B4GALNT2: variants seen among roughly 807,000 people sequenced by gnomAD.
B4GALNT2 encodes the protein beta-1,4-N-acetyl-galactosaminyltransferase 2 (SID blood group).
In B4GALNT2, 42 loss-of-function variants were observed where a neutral mutation model predicts 51.1. The observed-to-expected ratio is 0.82, with a 90% confidence interval of 0.64 to 1.06. The LOEUF (loss-of-function observed/expected upper bound fraction) is 1.06, where lower values mean the gene tolerates loss of function less well. B4GALNT2 is among the 50% of genes least tolerant of loss of function. The probability of loss-of-function intolerance (pLI) is 0.00; values close to 1 mark genes in which losing one functional copy is unlikely to be tolerated. For synonymous variants in B4GALNT2, 253 were observed against 251.7 expected (o/e 1.01, Z -0.05); for missense variants, 602 against 633.6 (o/e 0.95, Z 0.54).
intron 9 of B4GALNT2, among the ~76,000 whole-genome samples, chr17:49,168,468 G>A (rs773284510): frequency 1.2e-4 from 18 of 152,182 alleles, no homozygotes; most frequent in Non-Finnish European, 2.2e-4. Flanking sequence ...TCTGGGGTAG[G>A]CAGGAAATGA....
chr17:49,146,548 T>C (rs570879135), intron 3 of B4GALNT2, among the ~76,000 whole-genome samples: 2 of 152,326 alleles, frequency 1.3e-5, no homozygotes, highest in African/African-American at 4.8e-5. Flanking sequence ...TAGCCTCAAG[T>C]GATCCACCCA....
rs2042975418 is a variant in B4GALNT2, at chr17:49,174,392, A to C, written c.*4664A>C. On this transcript the variant is annotated 3_prime_UTR_variant, in exon 11 of 11. Transcript: ENST00000393354. Reference sequence around the variant, plus strand: ...ATGCTTAGCAGGCTGCAGGTTGTTTACTGCAGGAATTGTAAATGCAAACCA... The same window carrying C: ...ATGCTTAGCAGGCTGCAGGTTGTTTCCTGCAGGAATTGTAAATGCAAACCA... The C allele has an allele frequency of 6.6e-6, 1 of 152,218 alleles. No individual in the cohort carries two copies. The highest frequency in any genetic ancestry group is 1.5e-5 in the Non-Finnish European group (1 of 68,036). The allele number at this position is 152,218 out of a possible 1,614,324, so 9.4% of individuals were successfully genotyped here.
At chr17:49,121,966 C>A in the B4GALNT2 span, among the ~76,000 whole-genome samples, 1 of 152,220 alleles carries the variant, frequency 6.6e-6, no homozygotes, top group Non-Finnish European at 1.5e-5. Flanking sequence ...TGGCCAATTT[C>A]TGTCAGGAGT....
the B4GALNT2 span, among the ~76,000 whole-genome samples, chr17:49,122,781 ATAAT>A: frequency 2.6e-5 from 4 of 152,228 alleles, no homozygotes; most frequent in African/African-American, 9.7e-5. Flanking sequence ...TATGAGGATA[ATAAT>A]TAAGCAAAAT....
At chr17:49,140,726 T>TG (rs2042635770) in intron 1 of B4GALNT2, among the ~76,000 whole-genome samples, 1 of 134 alleles carries the variant, frequency 7.5e-3, no homozygotes, top group African/African-American at 0.036. Flanking sequence ...ATTACTAACC[T>TG]TTTTTTTTTT....
chr17:49,154,983 C>A (rs1206913554), intron 4 of B4GALNT2, among the ~76,000 whole-genome samples: 1 of 152,070 alleles, frequency 6.6e-6, no homozygotes, highest in Non-Finnish European at 1.5e-5. Context: ...AACTGTTTTT[C>A]ATTTTGGATG....
In B4GALNT2 at chr17:49,166,173, G is replaced by T. The variant is rs766965101; in HGVS notation, c.1014G>T (p.Trp338Cys). Residue 338 changes from tryptophan to cysteine, a missense_variant, in exon 9 of 11, where the codon TGG (tryptophan) becomes TGT (cysteine). By Grantham distance (215) the Trp-to-Cys change is radical. Transcript: ENST00000393354. ...ISQVTTKYVL[W>C]VDDDFLFNEE... ...AGGTCACCACCAAATACGTTCTCTG[G>T]GTGGACGATGATTTTCTCTTCAACG... is the stretch of plus-strand genomic sequence containing the variant. 1.2e-6 allele frequency: 2 copies of T among 1,614,104 alleles called. No homozygotes were observed. Among genetic ancestry groups the T allele is most frequent in the South Asian group, 2.2e-5 (2 of 91,082 alleles).
At chr17:49,133,030 G>A (rs375918507) in intron 1 of B4GALNT2, 7 of 1,490,592 alleles carry the variant, frequency 4.7e-6, no homozygotes, top group East Asian at 5.4e-5. Context: ...CCAGGAATGG[G>A]GAGCGCTGGC....
At chr17:49,142,366 G>C (rs2042653187) in intron 3 of B4GALNT2, among the ~76,000 whole-genome samples, 194 bp downstream of exon 3, 1 of 152,110 alleles carries the variant, frequency 6.6e-6, no homozygotes, top group Non-Finnish European at 1.5e-5. Context: ...ACAAAACTTT[G>C]TATGTACAAA....
At chr17:49,161,419 A>G (rs1201257835) in intron 7 of B4GALNT2, among the ~76,000 whole-genome samples, 1 of 152,130 alleles carries the variant, frequency 6.6e-6, no homozygotes, top group Non-Finnish European at 1.5e-5. Flanking sequence ...GATGGCCTGC[A>G]CCTGTAATCC....
chr17:49,150,524 G>C (rs1279478905), intron 3 of B4GALNT2, among the ~76,000 whole-genome samples: 10 of 152,076 alleles, frequency 6.6e-5, no homozygotes, highest in Admixed American at 4.6e-4. Context: ...GATGGTTGCC[G>C]TGTCTGTGTA....
chr17:49,153,516 T>A (rs915094039), intron 4 of B4GALNT2, among the ~76,000 whole-genome samples: 5 of 151,930 alleles, frequency 3.3e-5, no homozygotes, highest in African/African-American at 1.2e-4. Flanking sequence ...GATTTTTTTT[T>A]TTTTTATTGC....
At chr17:49,132,983 G>A in intron 1 of B4GALNT2, 177 bp downstream of exon 1, 1 of 1,438,828 alleles carries the variant, frequency 7.0e-7, no homozygotes, top group Non-Finnish European at 9.1e-7. Flanking sequence ...GGCTGCAGAG[G>A]CGAGGTGACG....
intron 3 of B4GALNT2, among the ~76,000 whole-genome samples, chr17:49,150,444 G>A (rs537904930): frequency 6.6e-6 from 1 of 152,136 alleles, no homozygotes; most frequent in South Asian, 2.1e-4. Flanking sequence ...CATTGAGAAC[G>A]GGCCATGATG....
chr17:49,133,205 G>C, intron 1 of B4GALNT2: 1 of 1,501,880 alleles, frequency 6.7e-7, no homozygotes, highest in East Asian at 2.8e-5. Flanking sequence ...CCCACGGGAG[G>C]AGCCGCCGTC....
At position 49,175,362 on chromosome 17, in the gene B4GALNT2, A is replaced by G. The variant is rs2042980996; in HGVS notation, c.*5634A>G. ...ATACGGCACAATCAGAAGTTGTGCT[A>G]TACGCTTTCCTGGCTCTGCTTTCCA... is the stretch of plus-strand genomic sequence containing the variant. On this transcript the variant is annotated 3_prime_UTR_variant, in exon 11 of 11. Transcript: ENST00000393354. The G allele has an allele frequency of 6.6e-6, 1 of 152,172 alleles. No homozygotes were observed. Among genetic ancestry groups the G allele is most frequent in the Admixed American group, 6.5e-5 (1 of 15,268 alleles). The allele number at this position is 152,172 out of a possible 1,614,324, so 9.4% of individuals were successfully genotyped here. A position where few individuals can be genotyped will look rare whatever the true frequency, so the allele number is the denominator to read the frequency against.
intron 7 of B4GALNT2, among the ~76,000 whole-genome samples, chr17:49,162,912 CAAAAAAAA>C (rs34568226): frequency 3.7e-5 from 2 of 53,622 alleles, no homozygotes; most frequent in African/African-American, 8.5e-5. Context: ...GAAACTGTCT[CAAAAAAAA>C]AAAAAAAAAA....
chr17:49,142,892 C>T (rs1378017975), intron 3 of B4GALNT2, among the ~76,000 whole-genome samples: 1 of 152,112 alleles, frequency 6.6e-6, no homozygotes, highest in African/African-American at 2.4e-5. Context: ...GAGTGTATCC[C>T]TTTGTTTTAA....
intron 9 of B4GALNT2, 52 bp from the exon 10 acceptor site, chr17:49,168,629 A>G (rs2042931904): frequency 6.5e-7 from 1 of 1,528,836 alleles, no homozygotes. Flanking sequence ...TGGAAGAGGC[A>G]GGATGAATAT....
Sources: gnomAD v4.1 joint callset for allele counts (sites outside exome capture counted in the v4.1 genomes callset) on GRCh38, gnomAD v4.1.1 for gene constraint, MANE v1.5 for transcripts, NCBI Gene and HGNC (gene_info 2026-07-23, HGNC 2026-07-21) for gene names.